The following PCDH15 variants were observed in gnomAD, a reference collection of about 807,000 sequenced individuals.
The protein encoded by PCDH15 is protocadherin-15.
A neutral mutation model predicts 178.5 loss-of-function variants in PCDH15; 129 were observed. The observed-to-expected ratio is 0.72, with a 90% CI of 0.63 to 0.84. The LOEUF is 0.84. PCDH15 is among the 40% of genes least tolerant of loss of function. PCDH15 has a pLI of 0.00. For missense variants in PCDH15, 2,230 were observed against 2,099.9 expected (o/e 1.06, Z -1.21); for synonymous variants, 800 against 732.0 (o/e 1.09, Z -1.50).
At chr10:55,287,087 T>C (rs2132263869) in intron 1 of PCDH15, among the ~76,000 whole-genome samples, 1 of 152,110 alleles carries the variant, frequency 6.6e-6, no homozygotes, top group East Asian at 1.9e-4. Context: ...ATAAAAGCTA[T>C]TGATTACAAT....
intron 26 of PCDH15, among the ~76,000 whole-genome samples, chr10:53,887,320 A>T (rs2081170896): frequency 6.6e-6 from 1 of 152,222 alleles, no homozygotes; most frequent in Non-Finnish European, 1.5e-5. Context: ...AGTAAAGAGA[A>T]GACTAATATT....
intron 3 of PCDH15, among the ~76,000 whole-genome samples, chr10:54,394,327 T>C (rs1950928528): frequency 6.6e-6 from 1 of 152,064 alleles, no homozygotes; most frequent in African/African-American, 2.4e-5. Flanking sequence ...TTCTTTTCTG[T>C]TTTTCCTAAG....
At chr10:54,566,211 A>C (rs2089010460) in intron 2 of PCDH15, among the ~76,000 whole-genome samples, 1 of 152,130 alleles carries the variant, frequency 6.6e-6, no homozygotes, top group South Asian at 2.1e-4. Context: ...TTAGGTTTAC[A>C]AAAAAAATGG....
chr10:55,411,066 A>G (rs949094164), intron 2 of PCDH15, among the ~76,000 whole-genome samples: 1 of 152,150 alleles, frequency 6.6e-6, no homozygotes, highest in Non-Finnish European at 1.5e-5. Context: ...GGAAGAAAAT[A>G]AGATTAAAGA....
rs550520151 is a variant in PCDH15 at position 54,064,027 on chromosome 10, G to T, written c.2220+2730C>A. 2.6e-5 allele frequency among the ~76,000 whole-genome samples: 4 copies of T among 152,226 alleles called. No homozygotes were observed. In the South Asian group the frequency reaches 8.3e-4, roughly 32 times the overall value. ...TCATTCCTGCCATTTGGTGGGTCCC[G>T]AGTTTTTGGCCCACATCCAGGAAGA... On this transcript the variant is annotated intron_variant, in intron 18 of 37. Coordinates refer to ENST00000644397, the MANE Select transcript of PCDH15 (RefSeq NM_001384140.1).
At chr10:54,778,941 G>T (rs1009226011) in intron 1 of PCDH15, among the ~76,000 whole-genome samples, 10 of 151,970 alleles carry the variant, frequency 6.6e-5, no homozygotes, top group African/African-American at 2.2e-4. Flanking sequence ...GGTAGAGTTG[G>T]GTTTCATTCC....
chr10:55,419,383 G>A (rs1398103718), intron 2 of PCDH15, among the ~76,000 whole-genome samples: 1 of 151,630 alleles, frequency 6.6e-6, no homozygotes, highest in Non-Finnish European at 1.5e-5. Context: ...ACACAATAAG[G>A]TATCCCATGA....
At chr10:54,900,876 G>T (rs1954627195) in intron 2 of PCDH15, among the ~76,000 whole-genome samples, 1 of 152,092 alleles carries the variant, frequency 6.6e-6, no homozygotes, top group Non-Finnish European at 1.5e-5. Context: ...CTTGTAATTA[G>T]AGTATTATGA....
chr10:54,670,132 G>C (rs1430340486), intron 1 of PCDH15, among the ~76,000 whole-genome samples: 5 of 151,740 alleles, frequency 3.3e-5, no homozygotes. Context: ...AAACATTGTG[G>C]GATAAAATAA....
intron 2 of PCDH15, among the ~76,000 whole-genome samples, chr10:55,081,385 C>A (rs148083549): frequency 2.6e-5 from 4 of 152,274 alleles, no homozygotes; most frequent in African/African-American, 9.6e-5. Flanking sequence ...ATGAAGGCTC[C>A]ACTCTCATGA....
chr10:55,618,549 T>C (rs1236052381), intron 2 of PCDH15, among the ~76,000 whole-genome samples: 1 of 152,056 alleles, frequency 6.6e-6, no homozygotes, highest in Non-Finnish European at 1.5e-5. Context: ...GCTTTTCTAC[T>C]ACTCTTCCCC....
At chr10:55,099,489 T>A (rs1332320979) in intron 2 of PCDH15, among the ~76,000 whole-genome samples, 1 of 152,074 alleles carries the variant, frequency 6.6e-6, no homozygotes, top group Non-Finnish European at 1.5e-5. Flanking sequence ...TCATCCTTGG[T>A]GAATTATTGC....
At chr10:55,510,708 C>G (rs1431036374) in intron 2 of PCDH15, among the ~76,000 whole-genome samples, 1 of 151,642 alleles carries the variant, frequency 6.6e-6, no homozygotes, top group East Asian at 1.9e-4. Context: ...ATTTTTCCTT[C>G]TGCTGAGACC....
chr10:55,414,269 A>T (rs1176504261), intron 2 of PCDH15, among the ~76,000 whole-genome samples: 2 of 151,604 alleles, frequency 1.3e-5, no homozygotes, highest in African/African-American at 4.8e-5. Flanking sequence ...ACCAAATACC[A>T]CTATAGTATT....
chr10:54,764,616 A>T (rs944851057), intron 1 of PCDH15, among the ~76,000 whole-genome samples: 1 of 152,146 alleles, frequency 6.6e-6, no homozygotes, highest in Non-Finnish European at 1.5e-5. Context: ...CATGTAGCAT[A>T]GGGTAAACCT....
chr10:55,007,130 A>G (rs901981253), intron 2 of PCDH15, among the ~76,000 whole-genome samples: 1 of 152,158 alleles, frequency 6.6e-6, no homozygotes, highest in Non-Finnish European at 1.5e-5. Flanking sequence ...AGGACTCCCC[A>G]GAAGCAGACA....
intron 2 of PCDH15, among the ~76,000 whole-genome samples, chr10:55,023,077 G>C (rs975904275): frequency 2.0e-5 from 3 of 152,106 alleles, no homozygotes; most frequent in Admixed American, 1.3e-4. Context: ...GAGTAGCTGG[G>C]ACTGCAGGCG....
chr10:54,928,639 C>A (rs1837689446), intron 2 of PCDH15, among the ~76,000 whole-genome samples: 1 of 152,180 alleles, frequency 6.6e-6, no homozygotes, highest in South Asian at 2.1e-4. Flanking sequence ...CATTCCTTTT[C>A]ATTACTTTTT....
intron 20 of PCDH15, among the ~76,000 whole-genome samples, chr10:54,011,508 G>A (rs1310923713): frequency 1.3e-5 from 2 of 152,144 alleles, no homozygotes; most frequent in Non-Finnish European, 2.9e-5. Context: ...TAGCCTGGGA[G>A]TGCCAAACAG....
Sources: allele counts gnomAD v4.1 joint callset (sites outside exome capture counted in the v4.1 genomes callset), GRCh38; gene constraint gnomAD v4.1.1; transcripts MANE v1.5; gene names NCBI Gene and HGNC (gene_info 2026-07-23, HGNC 2026-07-21).